Variants in MARCO observed in about 807,000 individuals in gnomAD.
The protein encoded by MARCO is macrophage receptor with collagenous structure, also known as macrophage receptor MARCO.
In MARCO, 72 loss-of-function variants were observed where a neutral mutation model predicts 70.0. The ratio of observed to expected loss-of-function variants is 1.03; its 90% CI spans 0.85 to 1.25. MARCO has a LOEUF of 1.25. Among genes scored for constraint, MARCO ranks in the 50% most tolerant of loss-of-function variants. The pLI, the probability that MARCO is intolerant of heterozygous loss-of-function variation, is 0.00. For missense variants in MARCO, 696 were observed against 659.3 expected (o/e 1.06, Z -0.61); for synonymous variants, 273 against 243.1 (o/e 1.12, Z -1.14).
At chr2:118,990,537 A>T (rs1680600209) in intron 12 of MARCO, 52 bp from the exon 13 acceptor site, 1 of 1,568,072 alleles carries the variant, frequency 6.4e-7, no homozygotes, top group Non-Finnish European at 8.8e-7. Flanking sequence ...AAAATGTCTA[A>T]TACCTAAGTT....
intron 12 of MARCO, among the ~76,000 whole-genome samples, chr2:118,986,219 C>A (rs1295824994): frequency 6.6e-6 from 1 of 152,162 alleles, no homozygotes; most frequent in Non-Finnish European, 1.5e-5. Flanking sequence ...CATCTCACTT[C>A]TTACCACAAG....
chr2:118,946,842 T>A (rs1350905792), intron 1 of MARCO, among the ~76,000 whole-genome samples: 2 of 152,268 alleles, frequency 1.3e-5, no homozygotes, highest in Non-Finnish European at 2.9e-5. Flanking sequence ...TCACTATTTT[T>A]AAATGTAGCC....
chr2:118,987,184 G>T (rs1347735412), intron 12 of MARCO, among the ~76,000 whole-genome samples: 3 of 152,226 alleles, frequency 2.0e-5, no homozygotes, highest in Non-Finnish European at 2.9e-5. Context: ...CTTTCAGCTT[G>T]ATAAGCTTGT....
At chr2:118,965,021 G>A (rs1292983810) in intron 1 of MARCO, among the ~76,000 whole-genome samples, 2 of 151,774 alleles carry the variant, frequency 1.3e-5, no homozygotes, top group Non-Finnish European at 2.9e-5. Context: ...GTTATGATGT[G>A]TCTTGATATG....
At position 118,986,668 on chromosome 2, in the gene MARCO, G is replaced by GAAAGAAAGAAA. The variant is rs1680505013; in HGVS notation, c.1064-3921_1064-3920insAAAGAAAGAAA. 1.2e-4 allele frequency among the ~76,000 whole-genome samples: 6 copies of GAAAGAAAGAAA among 48,492 alleles called. 1 individual carries two copies. Among genetic ancestry groups the GAAAGAAAGAAA allele is most frequent in the South Asian group, 1.2e-3 (1 of 816 alleles). 31.8% of individuals were successfully genotyped at this position (48,492 alleles called of 152,430 possible). ...AAGAAAGAAAGAAGGAAGGAAGGAA[G>GAAAGAAAGAAA]GAAGGAAAGAAAGAAAGAAAGAAAG... is the stretch of plus-strand genomic sequence containing the variant. On this transcript the variant is annotated intron_variant, in intron 12 of 16. Coordinates refer to ENST00000327097, the MANE Select transcript of MARCO (RefSeq NM_006770.4).
At chr2:118,957,593 G>T (rs1679862201) in intron 1 of MARCO, among the ~76,000 whole-genome samples, 2 of 152,038 alleles carry the variant, frequency 1.3e-5, no homozygotes, top group South Asian at 2.1e-4. Flanking sequence ...GAATACTAAG[G>T]TACCAATCCT....
chr2:118,958,407 CAA>C (rs35333881), intron 1 of MARCO, among the ~76,000 whole-genome samples: 26,765 of 127,354 alleles, frequency 0.21, 2,717 homozygotes, highest in South Asian at 0.39. Flanking sequence ...GCAATAGCTG[CAA>C]AAAAAAAAAA....
chr2:118,981,293 A>C, intron 8 of MARCO, 116 bp from the exon 9 acceptor site: 1 of 692,742 alleles, frequency 1.4e-6, no homozygotes, highest in Non-Finnish European at 2.5e-6. Context: ...GGCACCAAGT[A>C]GGAGCTCAAG....
intron 1 of MARCO, among the ~76,000 whole-genome samples, chr2:118,966,800 G>A (rs1301465750): frequency 1.3e-5 from 2 of 152,082 alleles, no homozygotes; most frequent in African/African-American, 4.8e-5. Flanking sequence ...ATTTAGTGCT[G>A]TCCAAAAACA....
chr2:118,982,296 T>C (rs551582657), intron 11 of MARCO, 42 bp downstream of exon 11: 1 of 1,612,466 alleles, frequency 6.2e-7, no homozygotes, highest in Admixed American at 1.7e-5. Flanking sequence ...GAGTGATGTG[T>C]GAAAACCTGC....
chr2:118,986,750 G>A (rs539457498), intron 12 of MARCO, among the ~76,000 whole-genome samples: 1 of 148,904 alleles, frequency 6.7e-6, no homozygotes, highest in East Asian at 2.0e-4. Context: ...GAAAGAAAGA[G>A]AAAGAAAGAA....
chr2:118,979,221 G>A (rs901582017), intron 8 of MARCO, among the ~76,000 whole-genome samples: 5 of 152,176 alleles, frequency 3.3e-5, no homozygotes, highest in African/African-American at 1.2e-4. Context: ...GTCTTGCCCA[G>A]GGTGGTACCC....
chr2:118,989,693 G>GCA (rs1680585565), intron 12 of MARCO, among the ~76,000 whole-genome samples: 1 of 152,210 alleles, frequency 6.6e-6, no homozygotes, highest in African/African-American at 2.4e-5. Flanking sequence ...CAAGGAGGTT[G>GCA]ACTGAGCTCC....
In MARCO at chr2:118,977,503, C is replaced by A. The variant is rs749528942; in HGVS notation, c.646C>A (p.Gln216Lys). ...AGGACCCCAGGGTGCTCCAGGGAAG[C>A]AAGGAGCCACTGGTAACTTGTACTT... ...LQGPQGAPGK[Q>K]GATGTPGPQG... The change falls in exon 7 of 17, where the codon CAA (glutamine) becomes AAA (lysine). Residue 216 changes from glutamine (Q) to lysine (K), a missense_variant. Physicochemically the swap from Gln to Lys is moderately conservative, Grantham distance 53 (BLOSUM62 1). This residue lies in a region of MARCO where 605 missense variants were observed against 537.6 expected (regional missense o/e 1.13). Coordinates refer to ENST00000327097, the MANE Select transcript of MARCO (RefSeq NM_006770.4). The A allele has an allele frequency of 1.1e-5, 18 of 1,613,884 alleles. 1 individual carries two copies. The South Asian group carries it at 1.9e-4, about 17-fold the overall frequency.
intron 12 of MARCO, among the ~76,000 whole-genome samples, chr2:118,986,242 G>T (rs1168713446): frequency 6.6e-6 from 1 of 152,154 alleles, no homozygotes; most frequent in Non-Finnish European, 1.5e-5. Flanking sequence ...CGATTTGTCA[G>T]TTATTAGCTC....
chr2:118,974,497 C>A (rs771735620), intron 5 of MARCO, 24 bp from the exon 6 acceptor site: 5 of 1,613,906 alleles, frequency 3.1e-6, no homozygotes, highest in Non-Finnish European at 1.7e-6. Context: ...TCTGGCTTCA[C>A]TCTGAATTCC....
Position 118,969,246 on chromosome 2 carries a change from C to T in MARCO, c.184C>T (p.Leu62=), listed in dbSNP as rs1680114723. Residue 62 remains leucine, a synonymous_variant, in exon 2 of 17, where the codon CTG becomes TTG. Coordinates refer to ENST00000327097, the MANE Select transcript of MARCO (RefSeq NM_006770.4). ...GATCCTGCTCACCGCTGGCGCTGGGCTGCTGGTGGTCCAAGGTAAAGCAGG... is the reference window on the plus strand; with the variant it reads ...GATCCTGCTCACCGCTGGCGCTGGGTTGCTGGTGGTCCAAGGTAAAGCAGG... ...YLILLTAGAG[L]LVVQVLNLQA... 1.2e-6 allele frequency: 2 copies of T among 1,613,990 alleles called. No homozygotes were observed. Among genetic ancestry groups the T allele is most frequent in the African/African-American group, 2.7e-5 (2 of 74,956 alleles).
At chr2:118,986,780 G>A (rs10174044) in intron 12 of MARCO, among the ~76,000 whole-genome samples, 7,811 of 125,840 alleles carry the variant, frequency 0.062, 1,825 homozygotes, top group African/African-American at 0.3. Flanking sequence ...AAAAGAAAGA[G>A]TGTGAGAGAA....
Position 118,974,366 on chromosome 2 carries a change from C to T in MARCO, c.494C>T (p.Pro165Leu). Residue 165 changes from proline to leucine, a missense_variant, in exon 5 of 17, where the codon CCT (proline) becomes CTT (leucine). By Grantham distance (98) the Pro-to-Leu change is moderately conservative. Transcript: ENST00000327097. ...GGTCACAAGGGGGCCATGGGCATGC[C>T]TGGTGCCCCTGGCCCGCCGGGACCA... is the stretch of plus-strand genomic sequence containing the variant. ...LQGHKGAMGMPGAPGPPGPPA... is the reference protein window; with the variant it reads ...LQGHKGAMGMLGAPGPPGPPA... 1 of 1,607,328 alleles carries T rather than the reference C, an allele frequency of 6.2e-7. No individual in the cohort carries two copies. The highest frequency in any genetic ancestry group is 1.7e-5 in the Admixed American group (1 of 59,080).
Sources: allele counts gnomAD v4.1 joint callset (sites outside exome capture counted in the v4.1 genomes callset), GRCh38; gene constraint gnomAD v4.1.1; regional missense constraint gnomAD v4.1.1; transcripts MANE v1.5; gene names NCBI Gene and HGNC (gene_info 2026-07-23, HGNC 2026-07-21).